Variants in KLF2 observed in about 807,000 individuals in gnomAD.
KLF2 encodes KLF transcription factor 2.
In KLF2, 9 loss-of-function variants were observed where a neutral mutation model predicts 22.2. The ratio of observed to expected loss-of-function variants is 0.40; its 90% confidence interval spans 0.24 to 0.71. The LOEUF is 0.71. KLF2 is among the 30% of genes least tolerant of loss of function. KLF2 has a pLI of 0.35. For missense variants in KLF2, 481 were observed against 542.1 expected, an observed-to-expected ratio of 0.89 and a Z score of 1.12; for synonymous variants, 299 against 264.2, an observed-to-expected ratio of 1.13 and a Z score of -1.28.
At chr19:16,326,179 C>G in intron 2 of KLF2, 147 bp downstream of exon 2, 1 of 747,266 alleles carries the variant, frequency 1.3e-6, no homozygotes, top group African/African-American at 1.9e-5. Context: ...TTAGGACTCC[C>G]CAGGAGGCGT....
rs2091884710 is a variant in KLF2, at chr19:16,325,247, G to A, written c.107G>A (p.Gly36Asp). The change falls in exon 2 of 3, where the codon GGC becomes GAC. Residue 36 changes from glycine (G) to aspartate (D), a missense_variant. Gly to Asp is a moderately conservative substitution (Grantham distance 94, BLOSUM62 -1). This residue lies in a region of KLF2 where 421 missense variants were observed against 435.1 expected (regional missense o/e 0.97). Coordinates refer to ENST00000248071, the MANE Select transcript of KLF2 (RefSeq NM_016270.4). ...RWPRAEPESG[G>D]TDDDLNSVLD... ...CCGCGCGCCGAACCCGAGTCCGGCG[G>A]CACCGACGACGACCTCAACAGCGTG... 1 of 1,539,994 alleles carries A rather than the reference G, an allele frequency of 6.5e-7. No individual in the cohort carries two copies. The highest frequency in any genetic ancestry group is 1.2e-5 in the South Asian group (1 of 84,106).
chr19:16,326,212 G>A (rs1038532797), intron 2 of KLF2, among the ~76,000 whole-genome samples, 180 bp downstream of exon 2: 1 of 150,322 alleles, frequency 6.7e-6, no homozygotes, highest in Non-Finnish European at 1.5e-5. Context: ...TGGTTGGGGG[G>A]GCACACAGGA....
chr19:16,325,979 G>T lies in KLF2; in HGVS notation c.839G>T (p.Gly280Val). The T allele has an allele frequency of 6.4e-7, 1 of 1,551,600 alleles. No homozygotes were observed. Residue 280 changes from glycine to valine, a missense_variant, in exon 2 of 3, where the codon GGC (glycine) becomes GTC (valine). This residue lies in a region of KLF2 where 421 missense variants were observed against 435.1 expected (regional missense o/e 0.97). Coordinates refer to ENST00000248071, the MANE Select transcript of KLF2 (RefSeq NM_016270.4). ...ATHTCSYAGC[G>V]KTYTKSSHLK... ...CACACCTGCAGCTACGCGGGCTGCGGCAAGACCTACACCAAGAGTTCGCAT... is the reference window on the plus strand; with the variant it reads ...CACACCTGCAGCTACGCGGGCTGCGTCAAGACCTACACCAAGAGTTCGCAT...
chr19:16,325,151 T>A, intron 1 of KLF2, 65 bp from the exon 2 acceptor site: 1 of 1,355,714 alleles, frequency 7.4e-7, no homozygotes, highest in Non-Finnish European at 9.8e-7. Flanking sequence ...CTTAGGGTGG[T>A]AAAAGGCAAG....
chr19:16,326,315 G>C (rs2091890132), intron 2 of KLF2, among the ~76,000 whole-genome samples: 1 of 151,434 alleles, frequency 6.6e-6, no homozygotes, highest in African/African-American at 2.4e-5. Flanking sequence ...AGAGCACTTA[G>C]AAAACCTCCT....
In KLF2 at chr19:16,325,320, C is replaced by T; in HGVS notation, c.180C>T (p.Ala60=). 1 of 1,484,458 alleles carries T rather than the reference C, an allele frequency of 6.7e-7. No homozygotes were observed. The highest frequency in any genetic ancestry group is 8.9e-7 in the Non-Finnish European group (1 of 1,124,274). The allele number at this position is 1,484,458 out of a possible 1,614,324, so 92.0% of individuals were successfully genotyped here. Residue 60 remains alanine, a synonymous_variant, in exon 2 of 3, where the codon GCC becomes GCT. Coordinates refer to ENST00000248071, the MANE Select transcript of KLF2 (RefSeq NM_016270.4). ...SMGLDGLGAE[A]APEPPPPPPP... ...GGCTGGATGGCCTGGGCGCCGAGGC[C>T]GCCCCGGAGCCGCCGCCGCCGCCCC... is the stretch of plus-strand genomic sequence containing the variant.
chr19:16,325,513 C>T lies in KLF2; in HGVS notation c.373C>T (p.Pro125Ser). 2.3e-6 allele frequency: 3 copies of T among 1,293,160 alleles called. No individual in the cohort carries two copies. The highest frequency in any genetic ancestry group is 2.0e-6 in the Non-Finnish European group (2 of 1,024,214). 80.1% of individuals were successfully genotyped at this position (1,293,160 alleles called of 1,614,324 possible). Residue 125 changes from proline to serine, a missense_variant, in exon 2 of 3, where the codon CCC (proline) becomes TCC (serine). By Grantham distance (74) the Pro-to-Ser change is moderately conservative. This residue lies in a region of KLF2 where 421 missense variants were observed against 435.1 expected (regional missense o/e 0.97). Transcript: ENST00000248071. Reference sequence around the variant, plus strand: ...GCCCGGCCGCCTGGTCAAGGCCGAGCCCCCTGAAGCGGACGGCGGCGGCGG... The same window carrying T: ...GCCCGGCCGCCTGGTCAAGGCCGAGTCCCCTGAAGCGGACGGCGGCGGCGG... ...APPGRLVKAE[P>S]PEADGGGGYG...
In KLF2 at chr19:16,327,224, G is replaced by A; in HGVS notation, c.*193G>A. 1.9e-6 allele frequency: 1 copy of A among 539,122 alleles called. No individual in the cohort carries two copies. The highest frequency in any genetic ancestry group is 3.3e-6 in the Non-Finnish European group (1 of 306,138). 33.4% of individuals were successfully genotyped at this position (539,122 alleles called of 1,614,324 possible). On this transcript the variant is annotated 3_prime_UTR_variant, in exon 3 of 3. Transcript: ENST00000248071. ...AGCCCCCGTCTGTGACTGAAGGCCC[G>A]GTGGGAAAAGACCACGATCCTCCTT...
chr19:16,325,562 C>G lies in KLF2; in HGVS notation c.422C>G (p.Thr141Ser). The stretch of plus-strand genomic sequence containing the variant: ...GGCTACGGCTGCGCCCCCGGGCTGA[C>G]CCGTGGACCGCGCGGCCTCAAGCGC... ...GGGYGCAPGL[T>S]RGPRGLKREG... is the part of the protein sequence containing the mutation. The change falls in exon 2 of 3, where the codon ACC (threonine) becomes AGC (serine). Residue 141 changes from threonine (T) to serine (S), a missense_variant. Around this residue, in one of 2 missense-constraint regions of KLF2, gnomAD observed 421 missense variants for 435.1 expected, o/e 0.97. Transcript: ENST00000248071. The G allele has an allele frequency of 8.5e-7, 1 of 1,177,836 alleles. No homozygotes were observed. 73.0% of individuals were successfully genotyped at this position (1,177,836 alleles called of 1,614,324 possible).
Position 16,326,967 on chromosome 19 carries a change from A to G in KLF2, c.1004A>G (p.His335Arg). ...KHTGHRPFQC[H>R]LCDRAFSRSD... ...ACGGGCCACCGGCCATTCCAGTGCC[A>G]TCTGTGCGATCGTGCCTTCTCGCGC... is the stretch of plus-strand genomic sequence containing the variant. The change falls in exon 3 of 3, where the codon CAT becomes CGT. Residue 335 changes from histidine to arginine, a missense_variant. Transcript: ENST00000248071. 1.2e-6 allele frequency: 2 copies of G among 1,613,486 alleles called. No homozygotes were observed. The highest frequency in any genetic ancestry group is 1.7e-6 in the Non-Finnish European group (2 of 1,179,914).
chr19:16,325,069 G>A, intron 1 of KLF2, 71 bp downstream of exon 1: 1 of 1,416,438 alleles, frequency 7.1e-7, no homozygotes, highest in Non-Finnish European at 9.5e-7. Context: ...AACGTGGGCT[G>A]CGGGGTGACA....
At chr19:16,326,742 A>T in intron 2 of KLF2, 114 bp from the exon 3 acceptor site, 1 of 1,045,768 alleles carries the variant, frequency 9.6e-7, no homozygotes, top group Non-Finnish European at 1.4e-6. Flanking sequence ...GCGCAACACT[A>T]CCGCGGGGAG....
rs2091887285 is a variant in KLF2, at chr19:16,325,674, C to G, written c.534C>G (p.Pro178=). 1 of 1,089,738 alleles carries G rather than the reference C, an allele frequency of 9.2e-7. No homozygotes were observed. The highest frequency in any genetic ancestry group is 1.1e-6 in the Non-Finnish European group (1 of 902,082). The allele number at this position is 1,089,738 out of a possible 1,614,324, so 67.5% of individuals were successfully genotyped here. A position where few individuals can be genotyped will look rare whatever the true frequency, so the allele number is the denominator to read the frequency against. The change falls in exon 2 of 3, where the codon CCC becomes CCG. Residue 178 remains proline (P), a synonymous_variant. Transcript: ENST00000248071. ...CGCCCGACACACCGCCGCTCAGCCC[C>G]GACGGCCCCGCGCGCCTGCCCGCGC... is the stretch of plus-strand genomic sequence containing the variant. ...PPPPDTPPLS[P]DGPARLPAPG...
At position 16,327,265 on chromosome 19, in the gene KLF2, T is replaced by G; in HGVS notation, c.*234T>G. The stretch of plus-strand genomic sequence containing the variant: ...GATCCTCCTTGACGAGTTTTGTTTT[T>G]CAAAATGGTGCAATAATTTAAGTGG... On this transcript the variant is annotated 3_prime_UTR_variant, in exon 3 of 3. Transcript: ENST00000248071. 5 of 442,802 alleles carry G rather than the reference T, an allele frequency of 1.1e-5. No individual in the cohort carries two copies. Among genetic ancestry groups the G allele is most frequent in the Non-Finnish European group, 1.2e-5 (3 of 244,234 alleles). 27.4% of individuals were successfully genotyped at this position (442,802 alleles called of 1,614,324 possible).
intron 1 of KLF2, 100 bp from the exon 2 acceptor site, chr19:16,325,116 G>A (rs1393290214): frequency 1.3e-5 from 17 of 1,313,576 alleles, no homozygotes; most frequent in Admixed American, 2.5e-5. Flanking sequence ...CAGGAGAGGA[G>A]GATGCGGGCC....
rs2091893220 is a variant in KLF2 at position 16,327,253 on chromosome 19, G to A, written c.*222G>A. ...GGAAAAGACCACGATCCTCCTTGAC[G>A]AGTTTTGTTTTTCAAAATGGTGCAA... On this transcript the variant is annotated 3_prime_UTR_variant, in exon 3 of 3. Transcript: ENST00000248071. 2 of 465,790 alleles carry A rather than the reference G, an allele frequency of 4.3e-6. No individual in the cohort carries two copies. Among genetic ancestry groups the A allele is most frequent in the South Asian group, 3.2e-5 (1 of 31,122 alleles). 28.9% of individuals were successfully genotyped at this position (465,790 alleles called of 1,614,324 possible). A position where few individuals can be genotyped will look rare whatever the true frequency, so the allele number is the denominator to read the frequency against.
In KLF2 at chr19:16,326,156, A is replaced by G. The variant is rs1238050762; in HGVS notation, c.892+124A>G. ...GGGGCGTGGCTCAGGGGGATCTGGC[A>G]GGTGGTGCACGCTTAGGACTCCCCA... On this transcript the variant is annotated intron_variant, in intron 2 of 2. Coordinates refer to ENST00000248071, the MANE Select transcript of KLF2 (RefSeq NM_016270.4). 20 of 964,862 alleles carry G rather than the reference A, an allele frequency of 2.1e-5. 1 individual carries two copies. Among genetic ancestry groups the G allele is most frequent in the Middle Eastern group, 6.8e-4 (2 of 2,922 alleles). 59.8% of individuals were successfully genotyped at this position (964,862 alleles called of 1,614,324 possible).
rs1355090169 is a variant in KLF2 at position 16,325,524 on chromosome 19, G to GGAC, written c.386_388dup (p.Asp129dup). 7 of 1,273,956 alleles carry GGAC rather than the reference G, an allele frequency of 5.5e-6. No individual in the cohort carries two copies. The highest frequency in any genetic ancestry group is 5.9e-6 in the Non-Finnish European group (6 of 1,013,572). The allele number at this position is 1,273,956 out of a possible 1,614,324, so 78.9% of individuals were successfully genotyped here. Reference sequence around the variant, plus strand: ...TGGTCAAGGCCGAGCCCCCTGAAGCGGACGGCGGCGGCGGCTACGGCTGCG... The same window carrying GGAC: ...TGGTCAAGGCCGAGCCCCCTGAAGCGGACGACGGCGGCGGCGGCTACGGCTGCG... On this transcript the variant is annotated inframe_insertion, in exon 2 of 3. Transcript: ENST00000248071.
intron 1 of KLF2, 28 bp downstream of exon 1, chr19:16,325,026 CCGG>C: frequency 6.5e-7 from 1 of 1,542,696 alleles, no homozygotes; most frequent in Non-Finnish European, 8.7e-7. Context: ...GGCGGGGCGG[CCGG>C]GACCGTGGGC....
Sources: gnomAD v4.1 joint callset for allele counts (sites outside exome capture counted in the v4.1 genomes callset) on GRCh38, gnomAD v4.1.1 for gene constraint, gnomAD v4.1.1 regional missense constraint, MANE v1.5 for transcripts, NCBI Gene and HGNC (gene_info 2026-07-23, HGNC 2026-07-21) for gene names.